TLK1: variants seen among roughly 807,000 people sequenced by gnomAD.
The protein encoded by TLK1 is tousled like kinase 1, also known as serine/threonine-protein kinase tousled-like 1.
TLK1 carries 24 observed loss-of-function variants against 105.3 expected under a neutral mutation model. The ratio of observed to expected loss-of-function variants is 0.23; its 90% CI spans 0.17 to 0.32. The LOEUF (loss-of-function observed/expected upper bound fraction) is 0.32, where lower values mean the gene tolerates loss of function less well. TLK1 is among the 10% of genes least tolerant of loss of function. The pLI, the probability that TLK1 is intolerant of heterozygous loss-of-function variation, is 1.00. For missense variants in TLK1, 558 were observed against 910.5 expected (o/e 0.61, Z 4.98); for synonymous variants, 321 against 310.4 (o/e 1.03, Z -0.36).
At chr2:171,215,319 A>G (rs992113123) in intron 1 of TLK1, among the ~76,000 whole-genome samples, 1 of 75,896 alleles carries the variant, frequency 1.3e-5, no homozygotes, top group Admixed American at 1.2e-4. Flanking sequence ...TCAGTTTCAT[A>G]GGAAAGAGGA....
chr2:171,015,675 T>G (rs1194748091), intron 12 of TLK1, among the ~76,000 whole-genome samples: 2 of 145,294 alleles, frequency 1.4e-5, no homozygotes, highest in East Asian at 2.1e-4. Flanking sequence ...ATGTCATTCA[T>G]GTCATTCATT....
intron 18 of TLK1, among the ~76,000 whole-genome samples, chr2:170,999,411 G>A (rs187884943): frequency 2.4e-4 from 36 of 152,238 alleles, no homozygotes; most frequent in African/African-American, 6.5e-4. Context: ...TGTATTTTAC[G>A]CAGGTGTCTA....
intron 1 of TLK1, among the ~76,000 whole-genome samples, chr2:171,217,474 CTCT>C (rs142652930): frequency 0.021 from 3,149 of 152,242 alleles, 98 homozygotes; most frequent in African/African-American, 0.071. Context: ...CGTATTTCAC[CTCT>C]TTTCCATTTC....
intron 14 of TLK1, among the ~76,000 whole-genome samples, chr2:171,009,149 T>G (rs1684784310): frequency 6.6e-6 from 1 of 152,162 alleles, no homozygotes; most frequent in African/African-American, 2.4e-5. Context: ...AATGCTTATC[T>G]AAGTTAACAA....
At chr2:171,179,346 A>G (rs2105306926) in intron 1 of TLK1, among the ~76,000 whole-genome samples, 1 of 152,294 alleles carries the variant, frequency 6.6e-6, no homozygotes, top group African/African-American at 2.4e-5. Flanking sequence ...TTCATAATCT[A>G]GCAGTTAAGA....
At chr2:171,188,504 G>A (rs1372128376) in intron 1 of TLK1, among the ~76,000 whole-genome samples, 1 of 152,152 alleles carries the variant, frequency 6.6e-6, no homozygotes, top group Non-Finnish European at 1.5e-5. Context: ...AGGAGTTCGA[G>A]ACAAGTCTGG....
At chr2:171,004,933 A>C (rs894077776) in intron 18 of TLK1, among the ~76,000 whole-genome samples, 10 of 152,366 alleles carry the variant, frequency 6.6e-5, no homozygotes, top group African/African-American at 2.4e-4. Context: ...CCACAAGCCA[A>C]ATTTAAAATT....
At chr2:171,074,251 G>C (rs1257341137) in intron 3 of TLK1, among the ~76,000 whole-genome samples, 2 of 152,124 alleles carry the variant, frequency 1.3e-5, no homozygotes, top group Non-Finnish European at 2.9e-5. Context: ...AAGAGTACTT[G>C]CTTTCAAGAC....
intron 18 of TLK1, among the ~76,000 whole-genome samples, chr2:171,002,933 G>A (rs190246889): frequency 1.6e-4 from 24 of 151,522 alleles, no homozygotes; most frequent in African/African-American, 5.1e-4. Context: ...ATGAGCCACC[G>A]TGCACGGCTT....
intron 13 of TLK1, among the ~76,000 whole-genome samples, chr2:171,011,757 TTTA>T (rs1684926251): frequency 6.6e-6 from 1 of 152,180 alleles, no homozygotes; most frequent in African/African-American, 2.4e-5. Context: ...CATAAAATCC[TTTA>T]TGTACTCAGC....
chr2:171,120,690 G>A lies in TLK1; in HGVS notation c.140-2833C>T, dbSNP rs148475271. Reference sequence around the variant, plus strand: ...GAAATTGGAATCCTTGTGCATCGCTGGTGGGAACATAAAATGGTGCGGCCA... The same window carrying A: ...GAAATTGGAATCCTTGTGCATCGCTAGTGGGAACATAAAATGGTGCGGCCA... On this transcript the variant is annotated intron_variant, in intron 1 of 20. Coordinates refer to ENST00000431350, the MANE Select transcript of TLK1 (RefSeq NM_012290.5). Among the ~76,000 whole-genome samples the A allele has an allele frequency of 3.7e-4, 57 of 152,320 alleles. 1 individual carries two copies. In the East Asian group the frequency reaches 0.011, roughly 29 times the overall value.
chr2:171,074,274 C>T (rs1455483775), intron 3 of TLK1, among the ~76,000 whole-genome samples: 1 of 152,122 alleles, frequency 6.6e-6, no homozygotes, highest in East Asian at 1.9e-4. Flanking sequence ...CATTACTGTA[C>T]ATATTTGTTC....
At chr2:171,055,474 AAT>A (rs1687458568) in intron 6 of TLK1, among the ~76,000 whole-genome samples, 1 of 152,090 alleles carries the variant, frequency 6.6e-6, no homozygotes, top group East Asian at 1.9e-4. Flanking sequence ...TTAAAAAAAA[AAT>A]AAGGCCAAAT....
intron 1 of TLK1, among the ~76,000 whole-genome samples, chr2:171,133,797 G>A (rs1691200318): frequency 6.6e-6 from 1 of 150,788 alleles, no homozygotes. Flanking sequence ...ACATAATGAG[G>A]TATCTGGGGG....
intron 1 of TLK1, among the ~76,000 whole-genome samples, chr2:171,126,926 T>C (rs901443144): frequency 5.3e-5 from 8 of 151,884 alleles, no homozygotes; most frequent in Non-Finnish European, 7.4e-5. Flanking sequence ...TCCACTTAAA[T>C]AATTCCTTTT....
At chr2:171,081,608 A>C (rs956259134) in intron 3 of TLK1, 38 of 1,282,066 alleles carry the variant, frequency 3.0e-5, no homozygotes, top group Non-Finnish European at 3.9e-5. Flanking sequence ...CTAAACTGAT[A>C]ATCTGATGCT....
intron 12 of TLK1, among the ~76,000 whole-genome samples, chr2:171,023,407 T>TCA (rs1373062630): frequency 2.2e-5 from 3 of 137,402 alleles, no homozygotes; most frequent in African/African-American, 9.5e-5. Context: ...TCAAATGCAC[T>TCA]CACACATACA....
intron 2 of TLK1, among the ~76,000 whole-genome samples, chr2:171,110,465 C>CA (rs1335783263): frequency 1.3e-5 from 2 of 151,914 alleles, no homozygotes; most frequent in East Asian, 3.9e-4. Flanking sequence ...AAGACTGTCT[C>CA]AAAAAAATAA....
At chr2:171,136,402 C>T (rs1180882156) in intron 1 of TLK1, among the ~76,000 whole-genome samples, 3 of 152,126 alleles carry the variant, frequency 2.0e-5, no homozygotes, top group African/African-American at 2.4e-5. Flanking sequence ...TGCACAACAA[C>T]AGGAATACAC....
Sources: gnomAD v4.1 joint callset for allele counts (sites outside exome capture counted in the v4.1 genomes callset) on GRCh38, gnomAD v4.1.1 for gene constraint, MANE v1.5 for transcripts, NCBI Gene and HGNC (gene_info 2026-07-23, HGNC 2026-07-21) for gene names.